GTF2IRD2B: variants seen among roughly 807,000 people sequenced by gnomAD.
The protein encoded by GTF2IRD2B is GTF2I repeat domain containing 2B.
A neutral mutation model predicts 55.6 loss-of-function variants in GTF2IRD2B; 10 were observed. The observed-to-expected ratio is 0.18, with a 90% CI of 0.11 to 0.31. The LOEUF (loss-of-function observed/expected upper bound fraction) is 0.31. Ranked by LOEUF, GTF2IRD2B falls within the 10% of genes least tolerant of loss-of-function variation. GTF2IRD2B has a pLI of 1.00. For synonymous variants in GTF2IRD2B, 107 were observed against 320.5 expected (o/e 0.33, Z 7.12); for missense variants, 206 against 802.7 (o/e 0.26, Z 8.98).
chr7:75,132,463 G>A (rs1397256152), intron 8 of GTF2IRD2B, among the ~76,000 whole-genome samples: 89 of 145,408 alleles, frequency 6.1e-4, no homozygotes, highest in Middle Eastern at 3.4e-3. Context: ...ACCCTGAAGG[G>A]GAAAATCTCC....
At chr7:75,147,112 G>A (rs4717144) in intron 15 of GTF2IRD2B, among the ~76,000 whole-genome samples, 5 of 150,988 alleles carry the variant, frequency 3.3e-5, no homozygotes, top group Non-Finnish European at 5.9e-5. Flanking sequence ...CTTTCATAAA[G>A]GTCAATCTTC....
chr7:75,101,267 C>G (rs1487470533), intron 1 of GTF2IRD2B, among the ~76,000 whole-genome samples: 1 of 149,194 alleles, frequency 6.7e-6, no homozygotes, highest in East Asian at 2.0e-4. Context: ...TACAGTTCAC[C>G]CATTTGAAGT....
intron 1 of GTF2IRD2B, among the ~76,000 whole-genome samples, chr7:75,101,875 C>G (rs1427626217): frequency 1.1e-5 from 1 of 92,180 alleles, no homozygotes; most frequent in Admixed American, 1.8e-4. Context: ...GCCTGGGAGA[C>G]AGAGCAAGAC....
intron 3 of GTF2IRD2B, among the ~76,000 whole-genome samples, chr7:75,116,640 C>CTTTTTTTT (rs782017384): frequency 8.4e-6 from 1 of 118,352 alleles, no homozygotes. Flanking sequence ...TTTGCCATTT[C>CTTTTTTTT]TTTTTTTTTT....
intron 1 of GTF2IRD2B, among the ~76,000 whole-genome samples, chr7:75,107,158 C>T (rs1183862683): frequency 2.0e-5 from 3 of 150,786 alleles, no homozygotes; most frequent in Middle Eastern, 3.2e-3. Context: ...TACAAATCCT[C>T]CTCTCCTCAT....
chr7:75,105,336 T>C (rs1807753546), intron 1 of GTF2IRD2B, among the ~76,000 whole-genome samples: 1 of 152,300 alleles, frequency 6.6e-6, no homozygotes, highest in Non-Finnish European at 1.5e-5. Context: ...TAACCCCGTC[T>C]CCACCAAAAA....
At chr7:75,102,143 C>T (rs587706272) in intron 1 of GTF2IRD2B, among the ~76,000 whole-genome samples, 1 of 150,976 alleles carries the variant, frequency 6.6e-6, no homozygotes, top group South Asian at 2.1e-4. Flanking sequence ...GCTGGGACTA[C>T]AGGCGTGCGC....
In GTF2IRD2B at chr7:75,148,204, T is replaced by C. The variant is rs782587784; in HGVS notation, c.1757T>C (p.Met586Thr). Residue 586 changes from methionine (M) to threonine (T), a missense_variant, in exon 16 of 16, where the codon ATG (methionine) becomes ACG (threonine). Physicochemically the swap from Met to Thr is moderately conservative, Grantham distance 81 (BLOSUM62 -1). Transcript: ENST00000472837. ...VSEELLDTVP[M>T]TGTKSGNEIF... ...GAAGAACTTCTGGACACGGTGCCCA[T>C]GACGGGTACAAAATCTGGCAACGAG... is the stretch of plus-strand genomic sequence containing the variant. The C allele has an allele frequency of 2.4e-5, 39 of 1,613,818 alleles. No individual in the cohort carries two copies. The highest frequency in any genetic ancestry group is 3.3e-5 in the Non-Finnish European group (39 of 1,179,836).
rs587677937 is a variant in GTF2IRD2B at position 75,149,529 on chromosome 7, C to T, written c.*232C>T. ...CCGAGCAGCTGGGACTACAGGCATG[C>T]GCCACCATGCCCGGCTAATTTTTGT... On this transcript the variant is annotated 3_prime_UTR_variant, in exon 16 of 16. Transcript: ENST00000472837. 7.6e-5 allele frequency: 40 copies of T among 526,394 alleles called. No individual in the cohort carries two copies. In the East Asian group the frequency reaches 1.1e-3, roughly 15 times the overall value. 32.6% of individuals were successfully genotyped at this position (526,394 alleles called of 1,614,324 possible).
At chr7:75,107,284 G>A (rs1182595928) in intron 1 of GTF2IRD2B, among the ~76,000 whole-genome samples, 1 of 152,136 alleles carries the variant, frequency 6.6e-6, no homozygotes, top group Non-Finnish European at 1.5e-5. Context: ...AATGTAAAAG[G>A]CTGGGTGCGG....
intron 3 of GTF2IRD2B, among the ~76,000 whole-genome samples, chr7:75,117,849 G>A (rs1231794779): frequency 2.6e-5 from 4 of 152,276 alleles, no homozygotes; most frequent in African/African-American, 7.2e-5. Flanking sequence ...CTGGTAGGCT[G>A]AGGCTGGCGG....
At chr7:75,127,018 C>CAAAAAAAAAA in intron 8 of GTF2IRD2B, among the ~76,000 whole-genome samples, 1 of 75,008 alleles carries the variant, frequency 1.3e-5, no homozygotes, top group Non-Finnish European at 3.1e-5. Flanking sequence ...AAAACAAAAA[C>CAAAAAAAAAA]AAAAACAAAA....
chr7:75,118,074 CAAA>C (rs57631816), intron 3 of GTF2IRD2B, among the ~76,000 whole-genome samples: 6 of 103,772 alleles, frequency 5.8e-5, no homozygotes, highest in African/African-American at 7.0e-5. Flanking sequence ...CAGAGCAAGA[CAAA>C]AAAAAAAAAA....
chr7:75,107,436 G>A (rs1268737965), intron 1 of GTF2IRD2B, among the ~76,000 whole-genome samples: 26 of 145,414 alleles, frequency 1.8e-4, no homozygotes, highest in Admixed American at 1.3e-3. Context: ...TTAGCCAGGC[G>A]TGGTGGCAGG....
intron 3 of GTF2IRD2B, among the ~76,000 whole-genome samples, chr7:75,120,119 A>T (rs1339561373): frequency 8.4e-6 from 1 of 118,798 alleles, no homozygotes; most frequent in Non-Finnish European, 1.7e-5. Flanking sequence ...TCACAGCGAG[A>T]CTCTGTCTCA....
chr7:75,093,573 C>G (rs1807336444), intron 1 of GTF2IRD2B, among the ~76,000 whole-genome samples: 1 of 152,266 alleles, frequency 6.6e-6, no homozygotes. Context: ...CCCACCCCGT[C>G]CCTATCCCCA....
At chr7:75,122,782 G>T (rs1203576702) in intron 4 of GTF2IRD2B, among the ~76,000 whole-genome samples, 4 of 147,626 alleles carry the variant, frequency 2.7e-5, no homozygotes, top group African/African-American at 9.9e-5. Flanking sequence ...GGGCTCAGTG[G>T]CTCGCCTGTT....
At chr7:75,104,572 C>T (rs369775229) in intron 1 of GTF2IRD2B, among the ~76,000 whole-genome samples, 6,037 of 145,128 alleles carry the variant, frequency 0.042, no homozygotes, top group African/African-American at 0.1. Flanking sequence ...AATACTTCTA[C>T]GCCCTTTTCT....
chr7:75,103,651 A>G (rs1807656352), intron 1 of GTF2IRD2B, among the ~76,000 whole-genome samples: 1 of 151,778 alleles, frequency 6.6e-6, no homozygotes, highest in Non-Finnish European at 1.5e-5. Flanking sequence ...TCCAGAGAGC[A>G]GGAAGCACAG....
Sources: allele counts gnomAD v4.1 joint callset (sites outside exome capture counted in the v4.1 genomes callset), GRCh38; gene constraint gnomAD v4.1.1; transcripts MANE v1.5; gene names NCBI Gene and HGNC (gene_info 2026-07-23, HGNC 2026-07-21).